KCNQ5: variants seen among roughly 807,000 people sequenced by gnomAD.
The protein encoded by KCNQ5 is potassium voltage-gated channel subfamily KQT member 5.
Under a neutral mutation model 98.2 loss-of-function variants are expected in KCNQ5, and 30 were observed. The ratio of observed to expected loss-of-function variants is 0.31; its 90% CI spans 0.23 to 0.41. KCNQ5 has a LOEUF of 0.41. Ranked by LOEUF, KCNQ5 falls within the 10% of genes least tolerant of loss-of-function variation. The pLI is 1.00. For synonymous variants in KCNQ5, 458 were observed against 449.4 expected (o/e 1.02, Z -0.24); for missense variants, 835 against 1,182.5 (o/e 0.71, Z 4.31).
intron 1 of KCNQ5, among the ~76,000 whole-genome samples, chr6:72,642,079 T>C (rs1284519808): frequency 6.6e-6 from 1 of 150,954 alleles, no homozygotes; most frequent in Non-Finnish European, 1.5e-5. Flanking sequence ...TGTAAGGCAG[T>C]AGAGGCTTAA....
chr6:72,651,754 A>G lies in KCNQ5; in HGVS notation c.398+29167A>G, dbSNP rs76240536. Among the ~76,000 whole-genome samples the G allele has an allele frequency of 3.3e-5, 5 of 152,166 alleles. No individual in the cohort carries two copies. The East Asian group carries it at 9.7e-4, about 29-fold the overall frequency. On this transcript the variant is annotated intron_variant, in intron 1 of 13. Coordinates refer to ENST00000370398, the MANE Select transcript of KCNQ5 (RefSeq NM_019842.4). ...AATGATATTACATATCAAAGAGTAC[A>G]CCTTTAAACTACTAATGGAGGAAAA...
intron 1 of KCNQ5, among the ~76,000 whole-genome samples, chr6:72,891,953 A>G (rs984182609): frequency 6.6e-6 from 1 of 152,166 alleles, no homozygotes; most frequent in Non-Finnish European, 1.5e-5. Flanking sequence ...AACACTGTGA[A>G]TACTACACTT....
intron 1 of KCNQ5, among the ~76,000 whole-genome samples, chr6:72,988,709 G>A (rs1432304940): frequency 7.8e-6 from 1 of 128,634 alleles, no homozygotes; most frequent in Non-Finnish European, 1.6e-5. Context: ...CATTGTGCAG[G>A]TTAGTTACAT....
chr6:73,064,487 T>A (rs1442055116), intron 3 of KCNQ5, among the ~76,000 whole-genome samples: 1 of 152,056 alleles, frequency 6.6e-6, no homozygotes, highest in Non-Finnish European at 1.5e-5. Context: ...TTCCAGCAGA[T>A]GTTTCAAATT....
intron 1 of KCNQ5, among the ~76,000 whole-genome samples, chr6:72,862,654 G>T (rs185327833): frequency 1.3e-3 from 205 of 152,080 alleles, no homozygotes; most frequent in African/African-American, 4.6e-3. Context: ...TTGAGACAGG[G>T]TCTCGCTCTG....
At chr6:73,176,486 G>T (rs901476672) in intron 11 of KCNQ5, among the ~76,000 whole-genome samples, 2 of 152,126 alleles carry the variant, frequency 1.3e-5, no homozygotes, top group African/African-American at 4.8e-5. Context: ...TTCAGTCTCG[G>T]GTATTTCTTT....
intron 1 of KCNQ5, among the ~76,000 whole-genome samples, chr6:72,752,633 C>T (rs1771740464): frequency 6.6e-6 from 1 of 152,100 alleles, no homozygotes; most frequent in Admixed American, 6.6e-5. Flanking sequence ...GTCCATTAAA[C>T]AATTTGGATC....
intron 1 of KCNQ5, among the ~76,000 whole-genome samples, chr6:72,701,988 C>G (rs556813436): frequency 6.6e-6 from 1 of 151,936 alleles, no homozygotes; most frequent in Non-Finnish European, 1.5e-5. Context: ...GCCACCATGC[C>G]CAGCTAATAT....
intron 1 of KCNQ5, among the ~76,000 whole-genome samples, chr6:72,837,345 T>A (rs907885413): frequency 4.6e-5 from 7 of 152,196 alleles, no homozygotes; most frequent in African/African-American, 1.4e-4. Context: ...CTACTTAAAA[T>A]ATGAAGAAAC....
At chr6:72,872,048 G>A (rs1365344475) in intron 1 of KCNQ5, among the ~76,000 whole-genome samples, 1 of 152,186 alleles carries the variant, frequency 6.6e-6, no homozygotes, top group Non-Finnish European at 1.5e-5. Context: ...AGGAAATTAT[G>A]CATGTTTCTT....
chr6:73,076,302 C>T (rs1200978179), intron 3 of KCNQ5, among the ~76,000 whole-genome samples: 1 of 152,182 alleles, frequency 6.6e-6, no homozygotes, highest in Non-Finnish European at 1.5e-5. Flanking sequence ...AATGGAACTC[C>T]TCTTTGGAGT....
chr6:72,976,919 C>T (rs1490388917), intron 1 of KCNQ5, among the ~76,000 whole-genome samples: 1 of 152,166 alleles, frequency 6.6e-6, no homozygotes, highest in African/African-American at 2.4e-5. Flanking sequence ...AATGGGTTTG[C>T]TTAGACCAAG....
intron 1 of KCNQ5, among the ~76,000 whole-genome samples, chr6:72,640,085 G>A (rs1170953041): frequency 1.3e-5 from 2 of 152,182 alleles, no homozygotes; most frequent in Non-Finnish European, 2.9e-5. Flanking sequence ...GCTACCTGGT[G>A]TGTGAGATTG....
intron 1 of KCNQ5, among the ~76,000 whole-genome samples, chr6:72,999,062 G>A (rs1035018334): frequency 7.2e-5 from 11 of 152,156 alleles, no homozygotes; most frequent in East Asian, 3.9e-4. Flanking sequence ...GCCATGGTTC[G>A]TTCAGTAGAG....
intron 1 of KCNQ5, among the ~76,000 whole-genome samples, chr6:72,712,824 ATT>A (rs200003647): frequency 0.013 from 2,037 of 152,298 alleles, 34 homozygotes; most frequent in African/African-American, 0.042. Context: ...TAACCACATA[ATT>A]TGAGTCATAA....
intron 1 of KCNQ5, among the ~76,000 whole-genome samples, chr6:72,894,341 T>G (rs1779166422): frequency 6.6e-6 from 1 of 152,204 alleles, no homozygotes; most frequent in South Asian, 2.1e-4. Context: ...GTTTTCTCAT[T>G]TCTCTGCCGG....
intron 1 of KCNQ5, among the ~76,000 whole-genome samples, chr6:72,995,453 T>C (rs1769251457): frequency 6.6e-6 from 1 of 151,456 alleles, no homozygotes; most frequent in Admixed American, 6.6e-5. Context: ...TTACATTAAA[T>C]AATGCTTATT....
chr6:72,768,774 T>A (rs1772705213), intron 1 of KCNQ5, among the ~76,000 whole-genome samples: 1 of 151,708 alleles, frequency 6.6e-6, no homozygotes, highest in South Asian at 2.1e-4. Context: ...TGTGTGCGTG[T>A]GCATTAATGT....
rs542334962 is a variant in KCNQ5 at position 72,922,048 on chromosome 6, G to A, written c.399-81860G>A. On this transcript the variant is annotated intron_variant, in intron 1 of 13. Coordinates refer to ENST00000370398, the MANE Select transcript of KCNQ5 (RefSeq NM_019842.4). Reference sequence around the variant, plus strand: ...ATCCATTTACTTACAGCTTTTGGTGGTATGTAACTAGCAATTCACTCAAAC... The same window carrying A: ...ATCCATTTACTTACAGCTTTTGGTGATATGTAACTAGCAATTCACTCAAAC... 1.3e-4 allele frequency among the ~76,000 whole-genome samples: 20 copies of A among 152,268 alleles called. No homozygotes were observed. In the South Asian group the frequency reaches 3.9e-3, roughly 30 times the overall value.
Sources: allele counts gnomAD v4.1 joint callset (sites outside exome capture counted in the v4.1 genomes callset), GRCh38; gene constraint gnomAD v4.1.1; transcripts MANE v1.5; gene names NCBI Gene and HGNC (gene_info 2026-07-23, HGNC 2026-07-21).